Variants in WASHC2A observed in about 807,000 individuals in gnomAD.
The protein encoded by WASHC2A is WASH complex subunit 2A.
In WASHC2A, 82 loss-of-function variants were observed where a neutral mutation model predicts 140.3. That is an observed-to-expected ratio of 0.58 (90% CI 0.49 to 0.70). The LOEUF (loss-of-function observed/expected upper bound fraction) is 0.70, where lower values mean the gene tolerates loss of function less well. Among genes scored for constraint, WASHC2A ranks in the 30% least tolerant of loss-of-function variants. The pLI, the probability that WASHC2A is intolerant of heterozygous loss-of-function variation, is 0.00. For synonymous variants in WASHC2A, 340 were observed against 560.8 expected (o/e 0.61, Z 5.56); for missense variants, 985 against 1,521.8 (o/e 0.65, Z 5.87).
intron 23 of WASHC2A, among the ~76,000 whole-genome samples, chr10:50,123,584 TG>T: frequency 6.7e-6 from 1 of 149,348 alleles, no homozygotes; most frequent in East Asian, 1.9e-4. Flanking sequence ...TGAGCAGGAA[TG>T]GATAATTACT....
chr10:50,104,281 A>G (rs1374576848), intron 18 of WASHC2A, 138 bp downstream of exon 18: 1 of 633,112 alleles, frequency 1.6e-6, no homozygotes, highest in Non-Finnish European at 2.8e-6. Flanking sequence ...ATATAACAAA[A>G]ATATTTCTGT....
At chr10:50,094,024 C>T in intron 13 of WASHC2A, 107 bp downstream of exon 13, 1 of 1,583,606 alleles carries the variant, frequency 6.3e-7, no homozygotes, top group Admixed American at 1.7e-5. Context: ...CTGTGTTAAG[C>T]AGGAAGCTGT....
At chr10:50,129,263 T>C in intron 28 of WASHC2A, 156 bp from the exon 29 acceptor site, 2 of 1,314,598 alleles carry the variant, frequency 1.5e-6, no homozygotes, top group East Asian at 4.8e-5. Flanking sequence ...TCCTTGGAAA[T>C]CATTAAGAAA....
intron 28 of WASHC2A, among the ~76,000 whole-genome samples, chr10:50,129,115 A>G (rs1843703429): frequency 1.3e-5 from 2 of 152,170 alleles, no homozygotes; most frequent in Non-Finnish European, 2.9e-5. Context: ...CAACATACCT[A>G]CTTTCCAGGT....
intron 11 of WASHC2A, among the ~76,000 whole-genome samples, chr10:50,092,434 G>A (rs1324914734): frequency 6.6e-6 from 1 of 152,168 alleles, no homozygotes; most frequent in Non-Finnish European, 1.5e-5. Context: ...GAGGCGGGCG[G>A]ATCATGAGGT....
intron 29 of WASHC2A, among the ~76,000 whole-genome samples, chr10:50,130,240 T>C (rs1843825683): frequency 6.6e-6 from 1 of 150,598 alleles, no homozygotes; most frequent in African/African-American, 2.4e-5. Flanking sequence ...GTAGATTGTA[T>C]TTCTTGGCTG....
Position 50,133,024 on chromosome 10 carries a change from A to C in WASHC2A, c.*79A>C. The C allele has an allele frequency of 1.2e-6, 2 of 1,608,180 alleles. No individual in the cohort carries two copies. Among genetic ancestry groups the C allele is most frequent in the South Asian group, 2.2e-5 (2 of 90,400 alleles). ...GATGTTGTATATGCTGATGGTCTTA[A>C]CTGGATTACAAAAAGCAAATACTAG... On this transcript the variant is annotated 3_prime_UTR_variant, in exon 31 of 31. Transcript: ENST00000282633.
In WASHC2A at chr10:50,129,363, A is replaced by G. The variant is rs1232111737; in HGVS notation, c.3088-56A>G. 135 of 1,612,026 alleles carry G rather than the reference A, an allele frequency of 8.4e-5. 2 individuals carry two copies. In the South Asian group the frequency reaches 1.3e-3, roughly 16 times the overall value. On this transcript the variant is annotated intron_variant, in intron 28 of 30. Transcript: ENST00000282633. The stretch of plus-strand genomic sequence containing the variant: ...TGAGTCACTGATTCTTTGCCATGGT[A>G]GCTTTGAACACTTTATTTTATCGTC...
chr10:50,103,793 C>T (rs1554887619), intron 17 of WASHC2A, among the ~76,000 whole-genome samples: 3 of 152,120 alleles, frequency 2.0e-5, no homozygotes, highest in Non-Finnish European at 2.9e-5. Flanking sequence ...GGTGGGAATA[C>T]AGAAGCCCCT....
intron 8 of WASHC2A, among the ~76,000 whole-genome samples, chr10:50,090,363 C>T (rs1338008486): frequency 2.0e-5 from 3 of 150,088 alleles, no homozygotes; most frequent in Admixed American, 6.7e-5. Context: ...ATTTGCTGGG[C>T]GTGGTGGTGC....
intron 7 of WASHC2A, among the ~76,000 whole-genome samples, chr10:50,085,985 T>C (rs1554880928): frequency 1.3e-5 from 2 of 149,540 alleles, no homozygotes; most frequent in Non-Finnish European, 3.0e-5. Flanking sequence ...AAGCCACCAC[T>C]TACATTCTAT....
chr10:50,094,804 G>A (rs1437358384), intron 13 of WASHC2A, among the ~76,000 whole-genome samples: 1 of 151,086 alleles, frequency 6.6e-6, no homozygotes, highest in Non-Finnish European at 1.5e-5. Flanking sequence ...ACTGGAATGG[G>A]TAGAGGTGGA....
At chr10:50,093,802 G>A in intron 12 of WASHC2A, 58 bp from the exon 13 acceptor site, 1 of 694,622 alleles carries the variant, frequency 1.4e-6, no homozygotes, top group South Asian at 1.7e-5. Context: ...ATCCTCACAT[G>A]CAGCTATGCT....
intron 3 of WASHC2A, among the ~76,000 whole-genome samples, chr10:50,072,313 T>G (rs1837916063): frequency 1.3e-5 from 2 of 151,868 alleles, no homozygotes. Flanking sequence ...TCTCCGGATG[T>G]GCTGGTTGCC....
intron 8 of WASHC2A, among the ~76,000 whole-genome samples, chr10:50,089,819 G>A (rs2132531307): frequency 6.6e-6 from 1 of 152,138 alleles, no homozygotes; most frequent in South Asian, 2.1e-4. Context: ...TGGGCATGGT[G>A]GCTCACGCCT....
chr10:50,078,577 C>T, intron 3 of WASHC2A, 98 bp from the exon 4 acceptor site: 1 of 1,611,416 alleles, frequency 6.2e-7, no homozygotes, highest in Non-Finnish European at 8.5e-7. Flanking sequence ...CCATTTCCTT[C>T]CCCATCTTTG....
In WASHC2A at chr10:50,087,177, A is replaced by G. The variant is rs1242885172; in HGVS notation, c.685-98A>G. On this transcript the variant is annotated intron_variant, in intron 7 of 30. Coordinates refer to ENST00000282633, the MANE Select transcript of WASHC2A (RefSeq NM_001005751.3). ...AGTGTCAGAGCTTTTTCTCCACTTG[A>G]CATAGAATCAGCCTGCCCCAGAGAC... 1.3e-5 allele frequency: 20 copies of G among 1,520,712 alleles called. No homozygotes were observed. In the Admixed American group the frequency reaches 3.2e-4, roughly 24 times the overall value. 94.2% of individuals were successfully genotyped at this position (1,520,712 alleles called of 1,614,324 possible). A position where few individuals can be genotyped will look rare whatever the true frequency, so the allele number is the denominator to read the frequency against.
At position 50,104,580 on chromosome 10, in the gene WASHC2A, C is replaced by T. The variant is rs373404469; in HGVS notation, c.1737+437C>T. On this transcript the variant is annotated intron_variant, in intron 18 of 30. Coordinates refer to ENST00000282633, the MANE Select transcript of WASHC2A (RefSeq NM_001005751.3). ...CCATGTTGGCCAGGCTAGTTTCGAA[C>T]TCCTGATCTCAGGTGATCCGCCTGC... 4.4e-4 allele frequency among the ~76,000 whole-genome samples: 67 copies of T among 152,194 alleles called. No homozygotes were observed. The East Asian group carries it at 7.1e-3, about 16-fold the overall frequency.
intron 3 of WASHC2A, among the ~76,000 whole-genome samples, chr10:50,070,383 G>A (rs1196251015): frequency 1.3e-5 from 2 of 151,882 alleles, no homozygotes; most frequent in South Asian, 2.1e-4. Context: ...AGGAAGCTTA[G>A]GTAACAGACC....
Sources: allele counts gnomAD v4.1 joint callset (sites outside exome capture counted in the v4.1 genomes callset), GRCh38; gene constraint gnomAD v4.1.1; transcripts MANE v1.5; gene names NCBI Gene and HGNC (gene_info 2026-07-23, HGNC 2026-07-21).